Variants in CLVS1 observed in about 807,000 individuals in gnomAD.
CLVS1 encodes clavesin 1, also known as clavesin-1.
CLVS1 carries 10 observed loss-of-function variants against 33.1 expected under a neutral mutation model. The ratio of observed to expected loss-of-function variants is 0.30; its 90% CI spans 0.19 to 0.51. The LOEUF is 0.51. Among genes scored for constraint, CLVS1 ranks in the 20% least tolerant of loss-of-function variants. The pLI is 0.97. For synonymous variants in CLVS1, 163 were observed against 166.1 expected, an observed-to-expected ratio of 0.98 and a Z score of 0.14; for missense variants, 343 against 433.4, an observed-to-expected ratio of 0.79 and a Z score of 1.85.
chr8:60,992,439 A>G, the CLVS1 span, among the ~76,000 whole-genome samples: 1 of 152,236 alleles, frequency 6.6e-6, no homozygotes, highest in African/African-American at 2.4e-5. Flanking sequence ...CTGAGAAGCA[A>G]AGAAAGAGAA....
chr8:61,176,740 G>A (rs552063567), intron 2 of CLVS1, among the ~76,000 whole-genome samples: 3 of 152,292 alleles, frequency 2.0e-5, no homozygotes, highest in African/African-American at 2.4e-5. Flanking sequence ...AGGCGGGGGA[G>A]CCCTCACCCC....
chr8:61,454,099 T>C (rs1817063316), intron 3 of CLVS1, 42 bp from the exon 4 acceptor site: 5 of 1,344,856 alleles, frequency 3.7e-6, no homozygotes, highest in Non-Finnish European at 5.3e-6. Flanking sequence ...TCTAACAAGG[T>C]GTGCTTACTA....
intron 2 of CLVS1, among the ~76,000 whole-genome samples, chr8:61,162,702 G>GT (rs145910131): frequency 0.043 from 6,522 of 152,264 alleles, 274 homozygotes; most frequent in African/African-American, 0.11. Flanking sequence ...AATGGCCTTT[G>GT]TTTTCCTTTG....
At chr8:61,363,489 G>A (rs1813066629) in intron 2 of CLVS1, among the ~76,000 whole-genome samples, 2 of 152,172 alleles carry the variant, frequency 1.3e-5, no homozygotes, top group African/African-American at 2.4e-5. Context: ...AATTCGGGAT[G>A]TAATTAAGGA....
the CLVS1 span, among the ~76,000 whole-genome samples, chr8:61,036,686 G>A: frequency 6.6e-6 from 1 of 152,174 alleles, no homozygotes; most frequent in Non-Finnish European, 1.5e-5. Flanking sequence ...CTAGCTATGT[G>A]CTTTTAAGCA....
chr8:61,266,707 C>T (rs4033382), intron 2 of CLVS1, among the ~76,000 whole-genome samples: 1 of 152,192 alleles, frequency 6.6e-6, no homozygotes, highest in African/African-American at 2.4e-5. Context: ...TTCACTCTCC[C>T]TATGCAATGG....
At position 61,106,363 on chromosome 8, in the gene CLVS1, C is replaced by T. The variant is rs531407061; in HGVS notation, c.-242-25407C>T. 1.1e-4 allele frequency among the ~76,000 whole-genome samples: 16 copies of T among 152,266 alleles called. No individual in the cohort carries two copies. The East Asian group carries it at 3.1e-3, about 29-fold the overall frequency. On this transcript the variant is annotated intron_variant, in intron 1 of 2. Coordinates refer to the CLVS1 transcript ENST00000522621. ...CAGCCAAATAAAAGATTTCCAACAACGTTGAAGAGATGGAGCACAGGAATG... is the reference window on the plus strand; with the variant it reads ...CAGCCAAATAAAAGATTTCCAACAATGTTGAAGAGATGGAGCACAGGAATG...
At chr8:61,244,647 A>G (rs1194721187) in intron 2 of CLVS1, among the ~76,000 whole-genome samples, 1 of 152,212 alleles carries the variant, frequency 6.6e-6, no homozygotes, top group Admixed American at 6.5e-5. Flanking sequence ...TTAATTAGTG[A>G]TAATGCCATA....
chr8:61,044,547 G>A, the CLVS1 span, among the ~76,000 whole-genome samples: 3 of 152,154 alleles, frequency 2.0e-5, no homozygotes, highest in African/African-American at 4.8e-5. Context: ...TTGCACTGAT[G>A]TCTTTCCCTC....
chr8:61,118,393 G>T (rs1251698602), intron 1 of CLVS1, among the ~76,000 whole-genome samples: 3 of 148,364 alleles, frequency 2.0e-5, no homozygotes, highest in African/African-American at 7.6e-5. Flanking sequence ...TCTGATCTTA[G>T]TTATTTCTTG....
the CLVS1 span, among the ~76,000 whole-genome samples, chr8:61,045,691 T>C: frequency 6.6e-6 from 1 of 152,232 alleles, no homozygotes; most frequent in Admixed American, 6.5e-5. Flanking sequence ...TCTGTCATCA[T>C]GACTGACTGA....
chr8:61,351,760 G>A (rs1227444232), intron 2 of CLVS1, among the ~76,000 whole-genome samples: 3 of 152,034 alleles, frequency 2.0e-5, no homozygotes, highest in Non-Finnish European at 4.4e-5. Context: ...AACCATGGAA[G>A]CAGAAGGAGG....
intron 5 of CLVS1, among the ~76,000 whole-genome samples, chr8:61,489,456 T>A (rs1388216567): frequency 6.6e-6 from 1 of 152,242 alleles, no homozygotes; most frequent in East Asian, 1.9e-4. Flanking sequence ...GAGGCTCAGT[T>A]TCCTGATTTG....
At chr8:61,008,672 T>C in the CLVS1 span, among the ~76,000 whole-genome samples, 2 of 152,150 alleles carry the variant, frequency 1.3e-5, no homozygotes, top group African/African-American at 4.8e-5. Context: ...ACAATAGTTT[T>C]CTATCTTCAA....
intron 3 of CLVS1, among the ~76,000 whole-genome samples, chr8:61,421,195 A>G (rs1174566534): frequency 6.6e-6 from 1 of 152,156 alleles, no homozygotes; most frequent in African/African-American, 2.4e-5. Context: ...AACCCCTCAG[A>G]GTACTCCAGC....
chr8:61,253,376 G>C (rs1808994947), intron 2 of CLVS1, among the ~76,000 whole-genome samples: 1 of 152,046 alleles, frequency 6.6e-6, no homozygotes, highest in Non-Finnish European at 1.5e-5. Context: ...TTTCAACTTT[G>C]GTGAATCTGA....
intron 2 of CLVS1, chr8:61,301,175 G>A (rs939725751): frequency 6.6e-6 from 1 of 152,220 alleles, no homozygotes; most frequent in Non-Finnish European, 1.5e-5. Flanking sequence ...ATAAAGTAAG[G>A]TTCTTATGAT....
chr8:61,377,063 T>C (rs967530261), intron 3 of CLVS1: 2 of 291,540 alleles, frequency 6.9e-6, no homozygotes, highest in Admixed American at 4.8e-5. Context: ...CATCAGAGAG[T>C]TCACAAAAAT....
At chr8:61,391,727 C>T (rs1814313057) in intron 3 of CLVS1, among the ~76,000 whole-genome samples, 1 of 152,048 alleles carries the variant, frequency 6.6e-6, no homozygotes, top group South Asian at 2.1e-4. Context: ...TTATGAATGA[C>T]TTTTTTCACT....
Sources: allele counts gnomAD v4.1 joint callset (sites outside exome capture counted in the v4.1 genomes callset), GRCh38; gene constraint gnomAD v4.1.1; transcripts MANE v1.5; gene names NCBI Gene and HGNC (gene_info 2026-07-23, HGNC 2026-07-21).